GEN1: variants seen among roughly 807,000 people sequenced by gnomAD.
GEN1 encodes flap endonuclease GEN homolog 1.
Under a neutral mutation model 67.6 loss-of-function variants are expected in GEN1, and 64 were observed. That is an observed-to-expected ratio of 0.95 (90% CI 0.77 to 1.17). GEN1 has a LOEUF of 1.17. Ranked by LOEUF, GEN1 falls within the 50% of genes most tolerant of loss-of-function variation. The pLI is 0.00. For synonymous variants in GEN1, 371 were observed against 359.4 expected, an observed-to-expected ratio of 1.03 and a Z score of -0.37; for missense variants, 1,058 against 1,048.3, an observed-to-expected ratio of 1.01 and a Z score of -0.13.
At chr2:17,762,096 T>C (rs1671707193) in intron 3 of GEN1, among the ~76,000 whole-genome samples, 1 of 151,658 alleles carries the variant, frequency 6.6e-6, no homozygotes, top group Admixed American at 6.6e-5. Context: ...TATGTTACTT[T>C]AATATTGCTA....
chr2:17,781,200 G>A lies in GEN1; in HGVS notation c.1988G>A (p.Gly663Asp), dbSNP rs974573845. ...GISPEEHLLS[G>D]ITDLCLQDLP... ...AGTCCTGAAGAGCATCTACTTTCTG[G>A]CATTACTGATTTATGTCTTCAGGAT... Residue 663 changes from glycine to aspartate, a missense_variant, in exon 14 of 14, where the codon GGC becomes GAC. By Grantham distance (94) the Gly-to-Asp change is moderately conservative (BLOSUM62 -1). Transcript: ENST00000381254. 4.3e-6 allele frequency: 7 copies of A among 1,613,528 alleles called. No individual in the cohort carries two copies. The African/African-American group carries it at 9.3e-5, about 22-fold the overall frequency.
chr2:17,783,083 A>T lies in GEN1; in HGVS notation c.*1144A>T, dbSNP rs1341437234. ...TTGTTTGTTTGTTTTTTTTTGAGAC[A>T]GAGTCTCACTCTTGTCGAGACTGGG... On this transcript the variant is annotated 3_prime_UTR_variant, in exon 14 of 14. Coordinates refer to ENST00000381254, the MANE Select transcript of GEN1 (RefSeq NM_001130009.3). The T allele has an allele frequency of 6.6e-6, 1 of 152,134 alleles. No individual in the cohort carries two copies. The highest frequency in any genetic ancestry group is 2.4e-5 in the African/African-American group (1 of 41,434). The allele number at this position is 152,134 out of a possible 1,614,324, so 9.4% of individuals were successfully genotyped here.
intron 6 of GEN1, among the ~76,000 whole-genome samples, chr2:17,769,367 G>A (rs1263348555): frequency 1.3e-5 from 2 of 150,640 alleles, no homozygotes; most frequent in Non-Finnish European, 3.0e-5. Context: ...CATGAGCCAC[G>A]GTGCCCAGCC....
intron 8 of GEN1, 112 bp downstream of exon 8, chr2:17,772,896 C>G: frequency 9.1e-7 from 1 of 1,104,580 alleles, no homozygotes; most frequent in Admixed American, 3.0e-5. Flanking sequence ...ACATGTTTAA[C>G]TAAATTTTTT....
intron 3 of GEN1, among the ~76,000 whole-genome samples, chr2:17,763,165 A>C (rs1038807650): frequency 1.3e-5 from 2 of 152,180 alleles, no homozygotes; most frequent in Admixed American, 1.3e-4. Context: ...TTTTAGTTAA[A>C]AAATTATGCC....
intron 12 of GEN1, 118 bp downstream of exon 12, chr2:17,778,181 T>C (rs1411626618): frequency 5.6e-5 from 23 of 413,260 alleles, no homozygotes; most frequent in South Asian, 1.3e-4. Flanking sequence ...TGTGTATATA[T>C]ATATATACAC....
At chr2:17,755,299 A>G (rs1343250604) in intron 1 of GEN1, 1 of 152,132 alleles carries the variant, frequency 6.6e-6, no homozygotes, top group African/African-American at 2.4e-5. Flanking sequence ...CTTTTTTCCT[A>G]AATACAACTA....
At chr2:17,766,447 G>A in intron 4 of GEN1, 132 bp from the exon 5 acceptor site, 1 of 574,630 alleles carries the variant, frequency 1.7e-6, no homozygotes. Context: ...TGGGATTACA[G>A]GCATGAGCCA....
Position 17,779,919 on chromosome 2 carries a change from C to T in GEN1, c.1265-59C>T, listed in dbSNP as rs555174092. 28 of 1,395,584 alleles carry T rather than the reference C, an allele frequency of 2.0e-5. No homozygotes were observed. In the Middle Eastern group the frequency reaches 6.8e-4, roughly 34 times the overall value. The allele number at this position is 1,395,584 out of a possible 1,614,324, so 86.5% of individuals were successfully genotyped here. Reference sequence around the variant, plus strand: ...ACAGGTGTGAGCCATCAAGCCTGACCGATTGAATTTTTTTAAATGCCTAAT... The same window carrying T: ...ACAGGTGTGAGCCATCAAGCCTGACTGATTGAATTTTTTTAAATGCCTAAT... On this transcript the variant is annotated intron_variant, in intron 12 of 13. Coordinates refer to ENST00000381254, the MANE Select transcript of GEN1 (RefSeq NM_001130009.3).
chr2:17,757,279 C>G (rs1671473622), intron 1 of GEN1, among the ~76,000 whole-genome samples: 1 of 149,792 alleles, frequency 6.7e-6, no homozygotes, highest in Non-Finnish European at 1.5e-5. Context: ...TGGCTGCCCC[C>G]TGTTAATAAT....
rs1558413535 is a variant in GEN1 at position 17,781,310 on chromosome 2, ATACT to A, written c.2101_2104del (p.Leu701ValfsTer2). The A allele has an allele frequency of 6.2e-7, 1 of 1,613,794 alleles. No individual in the cohort carries two copies. The highest frequency in any genetic ancestry group is 8.5e-7 in the Non-Finnish European group (1 of 1,179,734). The stretch of plus-strand genomic sequence containing the variant: ...AGATGTCAACCTGAAAACTTTGTCC[ATACT>A]TAGTGTAAAAGAATCTTGTATTGCT... On this transcript the variant is annotated frameshift_variant, in exon 14 of 14. Transcript: ENST00000381254. LOFTEE classifies it low-confidence loss of function (END_TRUNC).
At chr2:17,765,947 T>TG (rs1671909185) in intron 4 of GEN1, among the ~76,000 whole-genome samples, 2 of 91,986 alleles carry the variant, frequency 2.2e-5, no homozygotes, top group Non-Finnish European at 4.5e-5. Flanking sequence ...TTACTTTCTA[T>TG]AATATATATA....
chr2:17,779,459 G>A (rs955832273), intron 12 of GEN1, among the ~76,000 whole-genome samples: 1 of 152,158 alleles, frequency 6.6e-6, no homozygotes, highest in African/African-American at 2.4e-5. Flanking sequence ...ATCTCCATCC[G>A]GCCATTGCCA....
Position 17,778,323 on chromosome 2 carries a change from C to CATATATGTATACACACACAT in GEN1, c.1264+260_1264+261insATATATGTATACACACACAT. 6.5e-5 allele frequency among the ~76,000 whole-genome samples: 2 copies of CATATATGTATACACACACAT among 30,870 alleles called. 1 individual carries two copies. Among genetic ancestry groups the CATATATGTATACACACACAT allele is most frequent in the African/African-American group, 2.1e-4 (2 of 9,348 alleles). 20.3% of individuals were successfully genotyped at this position (30,870 alleles called of 152,430 possible). On this transcript the variant is annotated intron_variant, in intron 12 of 13. Transcript: ENST00000381254. ...GTACATATATGTATATACACACACA[C>CATATATGTATACACACACAT]GTGTACATATATGTATACACACACA...
intron 6 of GEN1, among the ~76,000 whole-genome samples, chr2:17,769,545 TG>T (rs1672090834): frequency 6.6e-6 from 1 of 152,230 alleles, no homozygotes; most frequent in East Asian, 1.9e-4. Flanking sequence ...TTTAATACTT[TG>T]ATATTGTATT....
chr2:17,777,980 A>T, intron 11 of GEN1, 22 bp from the exon 12 acceptor site: 1 of 1,391,784 alleles, frequency 7.2e-7, no homozygotes, highest in Non-Finnish European at 1.0e-6. Context: ...ATTAGACTTC[A>T]TTAAATGAAT....
chr2:17,762,682 CCT>C (rs1347802964), intron 3 of GEN1, among the ~76,000 whole-genome samples: 3 of 152,106 alleles, frequency 2.0e-5, no homozygotes, highest in South Asian at 4.2e-4. Flanking sequence ...GAATCATACC[CCT>C]GATTGTATAT....
intron 1 of GEN1, among the ~76,000 whole-genome samples, chr2:17,758,560 A>G (rs1291106316): frequency 1.3e-5 from 2 of 152,226 alleles, no homozygotes; most frequent in Non-Finnish European, 2.9e-5. Context: ...GGGCTTCAGG[A>G]TGTGAAATAG....
At chr2:17,753,971 A>C (rs1671256889), upstream of GEN1, 1 of 152,208 alleles carries the variant, frequency 6.6e-6, no homozygotes, top group Non-Finnish European at 1.5e-5. Flanking sequence ...GGGGGAGGTG[A>C]GTGATTTGCC....
Sources: allele counts gnomAD v4.1 joint callset (sites outside exome capture counted in the v4.1 genomes callset), GRCh38; gene constraint gnomAD v4.1.1; transcripts MANE v1.5; gene names NCBI Gene and HGNC (gene_info 2026-07-23, HGNC 2026-07-21).